The following NFIB variants were observed in gnomAD, a reference collection of about 807,000 sequenced individuals.
NFIB encodes nuclear factor 1 B-type.
A neutral mutation model predicts 61.5 loss-of-function variants in NFIB; 11 were observed. The ratio of observed to expected loss-of-function variants is 0.18; its 90% CI spans 0.11 to 0.30. The LOEUF (loss-of-function observed/expected upper bound fraction) is 0.30, where lower values mean the gene tolerates loss of function less well. NFIB is among the 10% of genes least tolerant of loss of function. The pLI is 1.00. For synonymous variants in NFIB, 260 were observed against 216.5 expected (o/e 1.20, Z -1.76); for missense variants, 471 against 608.9 (o/e 0.77, Z 2.38).
chr9:14,287,192 G>C (rs533812244), intron 2 of NFIB, among the ~76,000 whole-genome samples: 26 of 151,080 alleles, frequency 1.7e-4, no homozygotes, highest in African/African-American at 5.2e-4. Context: ...AGCACTCTGG[G>C]AGGCCGAGGC....
the NFIB span, among the ~76,000 whole-genome samples, chr9:14,440,798 T>C: frequency 6.6e-6 from 1 of 152,190 alleles, no homozygotes; most frequent in Non-Finnish European, 1.5e-5. Flanking sequence ...ATGATGAAGT[T>C]TATAATCTGG....
the NFIB span, among the ~76,000 whole-genome samples, chr9:14,514,770 T>C: frequency 6.6e-6 from 1 of 152,114 alleles, no homozygotes; most frequent in Non-Finnish European, 1.5e-5. Context: ...GGTTGCTCAG[T>C]GAGCAGCCCA....
rs1174939513 is a variant in NFIB, at chr9:14,307,647, AT to A, written c.31-128del. 1.1e-6 allele frequency: 1 copy of A among 896,102 alleles called. No homozygotes were observed. The allele number at this position is 896,102 out of a possible 1,614,324, so 55.5% of individuals were successfully genotyped here. A position where few individuals can be genotyped will look rare whatever the true frequency, so the allele number is the denominator to read the frequency against. On this transcript the variant is annotated intron_variant, in intron 1 of 10. Coordinates refer to ENST00000380953, the MANE Select transcript of NFIB (RefSeq NM_001190737.2). The surrounding 1 kb of genome is among the most constrained non-coding windows in gnomAD (Gnocchi z 5.3). ...ACAAAAAGTTATACATGAAAATAAC[AT>A]TCCTTTCTTATTTAAAATTATCAAA...
Position 14,307,534 on chromosome 9 carries a change from A to C in NFIB, c.31-14T>G. ...GTGAAATTCATCCTGTGGAAGACAG[A>C]GGGGTGAGGAAAAGATGTGCATAGT... On this transcript the variant is annotated splice_polypyrimidine_tract_variant and intron_variant, in intron 1 of 10. Transcript: ENST00000380953. This position sits in a 1 kb window ranked among gnomAD's most constrained non-coding sequence, Gnocchi z 5.3. 1 of 1,568,768 alleles carries C rather than the reference A, an allele frequency of 6.4e-7. No individual in the cohort carries two copies. Among genetic ancestry groups the C allele is most frequent in the African/African-American group, 1.4e-5 (1 of 73,258 alleles).
At chr9:14,528,995 G>A in the NFIB span, among the ~76,000 whole-genome samples, 2 of 152,084 alleles carry the variant, frequency 1.3e-5, no homozygotes, top group Non-Finnish European at 2.9e-5. Context: ...TTTTCTCCTT[G>A]AAAGAAGTCA....
chr9:14,254,538 G>A (rs780357231), intron 2 of NFIB, among the ~76,000 whole-genome samples: 3 of 152,000 alleles, frequency 2.0e-5, no homozygotes, highest in South Asian at 4.2e-4. Context: ...CTCAATAATC[G>A]TTTGCTGATT....
intron 2 of NFIB, among the ~76,000 whole-genome samples, chr9:14,290,421 G>T (rs566091589): frequency 6.6e-6 from 1 of 152,104 alleles, no homozygotes; most frequent in South Asian, 2.1e-4. Context: ...AATACGGCAG[G>T]TGCGGCGGTA....
intron 2 of NFIB, among the ~76,000 whole-genome samples, chr9:14,292,473 TG>T (rs1406216722): frequency 6.6e-6 from 1 of 152,246 alleles, no homozygotes; most frequent in African/African-American, 2.4e-5. Flanking sequence ...TTAACAAGCA[TG>T]TGCTAAACTT....
the NFIB span, among the ~76,000 whole-genome samples, chr9:14,443,699 T>C: frequency 6.6e-6 from 1 of 152,234 alleles, no homozygotes; most frequent in Admixed American, 6.5e-5. Context: ...TTTTTGCCTG[T>C]GGTCTCACCC....
intron 10 of NFIB, among the ~76,000 whole-genome samples, chr9:14,104,516 T>C (rs770031239): frequency 3.3e-5 from 5 of 152,056 alleles, no homozygotes; most frequent in Non-Finnish European, 7.4e-5. Flanking sequence ...ATAACAAGAA[T>C]GTTAATGATT....
chr9:14,295,610 T>A (rs1048195881), intron 2 of NFIB, among the ~76,000 whole-genome samples: 1 of 150,484 alleles, frequency 6.6e-6, no homozygotes, highest in African/African-American at 2.4e-5. Flanking sequence ...CAGCCTGGGC[T>A]ACCCAGCCAG....
chr9:14,139,315 A>G lies in NFIB; in HGVS notation c.925+7374T>C, dbSNP rs999420010. Among the ~76,000 whole-genome samples, 17 of 152,158 alleles carry G rather than the reference A, an allele frequency of 1.1e-4. 1 individual carries two copies. On this transcript the variant is annotated intron_variant, in intron 6 of 10. Transcript: ENST00000380953. ...TCTGTACCTGAAAAATCAATTTCTT[A>G]TTGTATATGATATTGGGAGTCTAAT...
intron 2 of NFIB, among the ~76,000 whole-genome samples, chr9:14,260,180 G>C (rs10961454): frequency 9.9e-5 from 15 of 152,184 alleles, no homozygotes; most frequent in Non-Finnish European, 2.1e-4. Flanking sequence ...ACTGACTTCA[G>C]AGAATGGATC....
intron 4 of NFIB, among the ~76,000 whole-genome samples, chr9:14,154,506 C>G (rs1312331750): frequency 2.0e-5 from 3 of 152,028 alleles, no homozygotes; most frequent in Non-Finnish European, 4.4e-5. Context: ...TGTTGGATAC[C>G]TTTGGATATC....
At chr9:14,343,859 T>G in intron 1 of NFIB, among the ~76,000 whole-genome samples, 1 of 151,194 alleles carries the variant, frequency 6.6e-6, no homozygotes, top group Non-Finnish European at 1.5e-5. Flanking sequence ...CCAGAAACCT[T>G]ATAGAAAGAG....
intron 2 of NFIB, among the ~76,000 whole-genome samples, chr9:14,264,225 G>A (rs77946769): frequency 0.039 from 5,815 of 150,980 alleles, 140 homozygotes; most frequent in Non-Finnish European, 0.057. Flanking sequence ...GACTAGATAC[G>A]TATTTCAAAA....
intron 1 of NFIB, among the ~76,000 whole-genome samples, chr9:14,329,318 C>G (rs1220370193): frequency 1.3e-5 from 2 of 152,126 alleles, no homozygotes; most frequent in East Asian, 3.9e-4. Flanking sequence ...GAAGGGGCTT[C>G]TGTGTGCCAG....
intron 9 of NFIB, among the ~76,000 whole-genome samples, chr9:14,115,881 G>A (rs541960702): frequency 2.6e-5 from 4 of 152,272 alleles, no homozygotes; most frequent in South Asian, 2.1e-4. Context: ...TGTATTCTGC[G>A]TTATGTTACT....
At chr9:14,449,958 A>G in the NFIB span, among the ~76,000 whole-genome samples, 3 of 151,946 alleles carry the variant, frequency 2.0e-5, no homozygotes, top group Non-Finnish European at 4.4e-5. Flanking sequence ...TAAATAAATA[A>G]ATAAAATTTT....
Sources: gnomAD v4.1 joint callset for allele counts (sites outside exome capture counted in the v4.1 genomes callset) on GRCh38, gnomAD v4.1.1 for gene constraint, Gnocchi (gnomAD v3.1) non-coding constraint, MANE v1.5 for transcripts, NCBI Gene and HGNC (gene_info 2026-07-23, HGNC 2026-07-21) for gene names.